Variants in CEP295 observed in about 807,000 individuals in gnomAD.
CEP295 encodes the protein centrosomal protein 295.
CEP295 carries 190 observed loss-of-function variants against 291.6 expected under a neutral mutation model. That is an observed-to-expected ratio of 0.65 (90% CI 0.58 to 0.73). The LOEUF is 0.73. Ranked by LOEUF, CEP295 falls within the 30% of genes least tolerant of loss-of-function variation. CEP295 has a pLI of 0.00. For missense variants in CEP295, 2,863 were observed against 2,949.4 expected, an observed-to-expected ratio of 0.97 and a Z score of 0.68; for synonymous variants, 993 against 1,038.8, an observed-to-expected ratio of 0.96 and a Z score of 0.85.
intron 25 of CEP295, chr11:93,729,031 G>A (rs1439375963): frequency 1.1e-5 from 6 of 534,818 alleles, no homozygotes; most frequent in African/African-American, 9.6e-5. Flanking sequence ...ATTTATGCCT[G>A]TCTCCAAGAC....
At chr11:93,700,332 A>T in intron 15 of CEP295, 146 bp downstream of exon 15, 1 of 747,912 alleles carries the variant, frequency 1.3e-6, no homozygotes, top group Non-Finnish European at 2.1e-6. Flanking sequence ...ATGATGTGGA[A>T]GTTAAAACAA....
In CEP295 at chr11:93,727,514, A is replaced by T; in HGVS notation, c.7038A>T (p.Lys2346Asn). Residue 2346 changes from lysine to asparagine, a missense_variant, in exon 24 of 30, where the codon AAA becomes AAT. Around this residue, in one of 3 missense-constraint regions of CEP295, gnomAD observed 2,295 missense variants for 2,335.7 expected, o/e 0.98. Transcript: ENST00000325212. ...ATTCCTTAACTACTCAAAATGAAAA[A>T]TATTTTGAGAATTCAGCTGAAACAG... Reference protein sequence around the residue: ...APYSLTTQNEKYFENSAETDI... With the variant: ...APYSLTTQNENYFENSAETDI... The T allele has an allele frequency of 6.4e-7, 1 of 1,551,692 alleles. No homozygotes were observed. The highest frequency in any genetic ancestry group is 8.7e-7 in the Non-Finnish European group (1 of 1,146,872).
chr11:93,700,788 T>C (rs1173251736), intron 15 of CEP295, among the ~76,000 whole-genome samples: 1 of 152,196 alleles, frequency 6.6e-6, no homozygotes, highest in Non-Finnish European at 1.5e-5. Flanking sequence ...CCATAAGATT[T>C]AAATTGTAAA....
intron 18 of CEP295, among the ~76,000 whole-genome samples, chr11:93,713,182 AT>A (rs1281590416): frequency 2.6e-5 from 4 of 152,104 alleles, no homozygotes; most frequent in Non-Finnish European, 5.9e-5. Flanking sequence ...CGTACATATT[AT>A]TTTTGATCTG....
rs1305803291 is a variant in CEP295 at position 93,697,269 on chromosome 11, T to A, written c.2357T>A (p.Phe786Tyr). Residue 786 changes from phenylalanine to tyrosine, a missense_variant, in exon 15 of 30, where the codon TTT becomes TAT. Around this residue, in one of 3 missense-constraint regions of CEP295, gnomAD observed 2,295 missense variants for 2,335.7 expected, o/e 0.98. Transcript: ENST00000325212. Reference protein sequence around the residue: ...ISYHLTEPSSFVPLVPQHSFS... With the variant: ...ISYHLTEPSSYVPLVPQHSFS... ...TACCATTTAACTGAACCTTCTTCAT[T>A]TGTACCACTGGTACCTCAGCATTCT... The A allele has an allele frequency of 2.6e-6, 4 of 1,551,688 alleles. No homozygotes were observed. Among genetic ancestry groups the A allele is most frequent in the Non-Finnish European group, 3.5e-6 (4 of 1,147,032 alleles).
At position 93,696,880 on chromosome 11, in the gene CEP295, C is replaced by T. The variant is rs1036778345; in HGVS notation, c.1968C>T (p.Asn656=). The change falls in exon 15 of 30, where the codon AAC becomes AAT. Residue 656 remains asparagine (N), a synonymous_variant. Transcript: ENST00000325212. The part of the protein sequence containing the change: ...DQGQRLKLSP[N]KYQPIQPIQT... ...GTCAGAGACTCAAGTTGAGTCCTAACAAATACCAACCCATACAACCTATAC... is the reference window on the plus strand; with the variant it reads ...GTCAGAGACTCAAGTTGAGTCCTAATAAATACCAACCCATACAACCTATAC... 1.9e-6 allele frequency: 3 copies of T among 1,551,860 alleles called. No homozygotes were observed. Among genetic ancestry groups the T allele is most frequent in the South Asian group, 1.2e-5 (1 of 84,062 alleles).
intron 2 of CEP295, among the ~76,000 whole-genome samples, chr11:93,667,377 C>CTGAATAAAAGCTATCAG (rs1449117458): frequency 6.6e-6 from 1 of 152,102 alleles, no homozygotes; most frequent in African/African-American, 2.4e-5. Context: ...GGAGTGGGCG[C>CTGAATAAAAGCTATCAG]TGAATAAAAG....
chr11:93,669,577 C>A, intron 4 of CEP295, 100 bp from the exon 5 acceptor site: 1 of 707,070 alleles, frequency 1.4e-6, no homozygotes. Context: ...TGGAATCAGA[C>A]TAGAGGATTT....
chr11:93,691,718 C>A lies in CEP295; in HGVS notation c.1372C>A (p.Pro458Thr), dbSNP rs1951560873. The A allele has an allele frequency of 6.5e-7, 1 of 1,546,766 alleles. No individual in the cohort carries two copies. The highest frequency in any genetic ancestry group is 1.4e-5 in the African/African-American group (1 of 72,868). The stretch of plus-strand genomic sequence containing the variant: ...TGATACACTAACAATTGAGTCTGGA[C>A]CACTTGCTAGTGAAGATAAACCACT... ...ESDTLTIESG[P>T]LASEDKPLSC... The change falls in exon 11 of 30, where the codon CCA becomes ACA. Residue 458 changes from proline to threonine, a missense_variant. Physicochemically the swap from Pro to Thr is conservative, Grantham distance 38. This residue lies in a region of CEP295 where 554 missense variants were observed against 576.0 expected (regional missense o/e 0.96). Transcript: ENST00000325212.
intron 18 of CEP295, among the ~76,000 whole-genome samples, chr11:93,711,768 C>T (rs1420177160): frequency 6.6e-6 from 1 of 152,082 alleles, no homozygotes; most frequent in African/African-American, 2.4e-5. Context: ...ACCTCAGCCT[C>T]CCAAAGTGCT....
At position 93,683,652 on chromosome 11, in the gene CEP295, G is replaced by A. The variant is rs1191863961; in HGVS notation, c.859G>A (p.Val287Ile). 6.5e-7 allele frequency: 1 copy of A among 1,549,988 alleles called. No homozygotes were observed. Among genetic ancestry groups the A allele is most frequent in the African/African-American group, 1.4e-5 (1 of 72,936 alleles). The change falls in exon 8 of 30, where the codon GTT becomes ATT. Residue 287 changes from valine (V) to isoleucine (I), a missense_variant. Coordinates refer to ENST00000325212, the MANE Select transcript of CEP295 (RefSeq NM_033395.2). ...QTVAQMPPQLVELPYKRSEMK... is the reference protein window; with the variant it reads ...QTVAQMPPQLIELPYKRSEMK... ...TGTAGCACAAATGCCACCACAACTA[G>A]TTGAACTTCCATACAAACGCAGTGA...
chr11:93,699,040 A>G lies in CEP295; in HGVS notation c.4128A>G (p.Leu1376=), dbSNP rs1271859653. The G allele has an allele frequency of 1.3e-6, 2 of 1,546,302 alleles. No homozygotes were observed. Among genetic ancestry groups the G allele is most frequent in the Admixed American group, 3.9e-5 (2 of 50,972 alleles). The part of the protein sequence containing the change: ...ILARQEAREE[L]LLHQSEWEGR... Reference sequence around the variant, plus strand: ...CTAGACAAGAAGCTCGGGAAGAATTACTTTTACATCAGAGTGAATGGGAGG... The same window carrying G: ...CTAGACAAGAAGCTCGGGAAGAATTGCTTTTACATCAGAGTGAATGGGAGG... Residue 1376 remains leucine, a synonymous_variant, in exon 15 of 30, where the codon TTA becomes TTG. Transcript: ENST00000325212.
At chr11:93,673,481 T>C (rs533249975) in intron 5 of CEP295, among the ~76,000 whole-genome samples, 17 of 152,222 alleles carry the variant, frequency 1.1e-4, no homozygotes, top group South Asian at 4.1e-4. Flanking sequence ...ATTTATCACC[T>C]GTGCAGCTTT....
chr11:93,730,287 A>G lies in CEP295; in HGVS notation c.*18A>G. The G allele has an allele frequency of 6.6e-7, 1 of 1,517,696 alleles. No homozygotes were observed. Among genetic ancestry groups the G allele is most frequent in the Non-Finnish European group, 8.9e-7 (1 of 1,117,428 alleles). The allele number at this position is 1,517,696 out of a possible 1,614,324, so 94.0% of individuals were successfully genotyped here. A position where few individuals can be genotyped will look rare whatever the true frequency, so the allele number is the denominator to read the frequency against. On this transcript the variant is annotated 3_prime_UTR_variant, in exon 30 of 30. Transcript: ENST00000325212. ...CATGCTGACTTTCTAGAAATAGTGTAAAGGTTTTTTAATTGTGTATATGTA... is the reference window on the plus strand; with the variant it reads ...CATGCTGACTTTCTAGAAATAGTGTGAAGGTTTTTTAATTGTGTATATGTA...
At chr11:93,717,380 T>G (rs1953346229) in intron 18 of CEP295, among the ~76,000 whole-genome samples, 1 of 152,198 alleles carries the variant, frequency 6.6e-6, no homozygotes, top group Non-Finnish European at 1.5e-5. Context: ...TCTGACCTGT[T>G]GCGGTGAGGG....
rs777492041 is a variant in CEP295, at chr11:93,724,235, G to GT, written c.6197-17dup. ...TTTTTTTCCCTCAAAAATTCTAACA[G>GT]TTGACCTTGACTTTCCAGAATTGGA... On this transcript the variant is annotated intron_variant, in intron 21 of 29. Transcript: ENST00000325212. 6.5e-7 allele frequency: 1 copy of GT among 1,538,242 alleles called. No individual in the cohort carries two copies. The highest frequency in any genetic ancestry group is 8.8e-7 in the Non-Finnish European group (1 of 1,142,598).
Position 93,729,502 on chromosome 11 carries a change from C to T in CEP295, c.7371C>T (p.Ser2457=). The T allele has an allele frequency of 6.4e-7, 1 of 1,551,850 alleles. No individual in the cohort carries two copies. The highest frequency in any genetic ancestry group is 8.7e-7 in the Non-Finnish European group (1 of 1,146,992). The change falls in exon 26 of 30, where the codon TCC becomes TCT. Residue 2457 remains serine (S), a synonymous_variant. Coordinates refer to ENST00000325212, the MANE Select transcript of CEP295 (RefSeq NM_033395.2). ...ASDYPAVSEL[S]IEKPRTASTE... is the part of the protein sequence containing the mutation. ...ATTATCCAGCTGTATCAGAACTTTC[C>T]ATAGAAAAACCAAGGACAGCATCTA...
At chr11:93,668,630 T>G (rs1429374744) in intron 3 of CEP295, among the ~76,000 whole-genome samples, 178 bp from the exon 4 acceptor site, 1 of 152,200 alleles carries the variant, frequency 6.6e-6, no homozygotes, top group African/African-American at 2.4e-5. Flanking sequence ...TTAAAATGTT[T>G]GTGTTTGTCC....
intron 18 of CEP295, among the ~76,000 whole-genome samples, chr11:93,716,571 C>T (rs969886695): frequency 6.6e-6 from 1 of 152,190 alleles, no homozygotes; most frequent in Admixed American, 6.5e-5. Context: ...ATTGAGTGCA[C>T]TCAGACCCAG....
Sources: gnomAD v4.1 joint callset for allele counts (sites outside exome capture counted in the v4.1 genomes callset) on GRCh38, gnomAD v4.1.1 for gene constraint, gnomAD v4.1.1 regional missense constraint, MANE v1.5 for transcripts, NCBI Gene and HGNC (gene_info 2026-07-23, HGNC 2026-07-21) for gene names.